Variants in KCNIP1 observed in about 807,000 individuals in gnomAD.
KCNIP1 encodes potassium voltage-gated channel interacting protein 1, also known as A-type potassium channel modulatory protein KCNIP1.
A neutral mutation model predicts 33.0 loss-of-function variants in KCNIP1; 18 were observed. That is an observed-to-expected ratio of 0.55 (90% CI 0.38 to 0.81). KCNIP1 has a LOEUF of 0.81. Among genes scored for constraint, KCNIP1 ranks in the 30% least tolerant of loss-of-function variants. The pLI is 0.00. For missense variants in KCNIP1, 238 were observed against 271.6 expected (o/e 0.88, Z 0.87); for synonymous variants, 93 against 98.3 (o/e 0.95, Z 0.32).
At chr5:170,649,151 A>G (rs1760907908) in intron 1 of KCNIP1, among the ~76,000 whole-genome samples, 1 of 152,224 alleles carries the variant, frequency 6.6e-6, no homozygotes, top group East Asian at 1.9e-4. Context: ...GCCACTATTA[A>G]GTATTGACCC....
At chr5:170,409,642 G>T (rs1193807825) in intron 1 of KCNIP1, among the ~76,000 whole-genome samples, 1 of 152,114 alleles carries the variant, frequency 6.6e-6, no homozygotes, top group African/African-American at 2.4e-5. Flanking sequence ...AGGCCAAGAT[G>T]ACAAGGGGGG....
chr5:170,545,426 G>T (rs1053346995), intron 1 of KCNIP1, among the ~76,000 whole-genome samples: 1 of 151,960 alleles, frequency 6.6e-6, no homozygotes, highest in Admixed American at 6.6e-5. Context: ...ATCAATTTTC[G>T]GAAACTCTTG....
chr5:170,567,626 G>T (rs1177465179), intron 1 of KCNIP1, among the ~76,000 whole-genome samples: 1 of 152,216 alleles, frequency 6.6e-6, no homozygotes, highest in Admixed American at 6.5e-5. Flanking sequence ...GCTAGCGCCA[G>T]GGGGAAGGGC....
chr5:170,367,067 C>G (rs1035477046), intron 1 of KCNIP1, among the ~76,000 whole-genome samples: 9 of 152,022 alleles, frequency 5.9e-5, no homozygotes, highest in African/African-American at 2.2e-4. Context: ...GCCTGTAATC[C>G]CAACACTTTG....
At chr5:170,649,910 G>C (rs1011326866) in intron 1 of KCNIP1, among the ~76,000 whole-genome samples, 1 of 152,170 alleles carries the variant, frequency 6.6e-6, no homozygotes, top group Non-Finnish European at 1.5e-5. Context: ...GAGAGGCTCG[G>C]TTGTTCTTCA....
rs147852013 is a variant in KCNIP1 at position 170,385,874 on chromosome 5, C to G, written c.88+31910C>G. On this transcript the variant is annotated intron_variant, in intron 1 of 7. Transcript: ENST00000377360. Reference sequence around the variant, plus strand: ...GTGGCTCATGCCTGAAATCCCAGCACTTTCGGAGACCGAGGTGGGCGGATC... The same window carrying G: ...GTGGCTCATGCCTGAAATCCCAGCAGTTTCGGAGACCGAGGTGGGCGGATC... Among the ~76,000 whole-genome samples, 10 of 152,106 alleles carry G rather than the reference C, an allele frequency of 6.6e-5. No homozygotes were observed. The East Asian group carries it at 1.7e-3, about 26-fold the overall frequency.
At chr5:170,576,474 A>C (rs1453594038) in intron 1 of KCNIP1, among the ~76,000 whole-genome samples, 1 of 152,232 alleles carries the variant, frequency 6.6e-6, no homozygotes, top group African/African-American at 2.4e-5. Flanking sequence ...CTTAATAGGT[A>C]ACTGGCCAGA....
intron 1 of KCNIP1, among the ~76,000 whole-genome samples, chr5:170,636,396 G>T (rs1313142155): frequency 6.6e-6 from 1 of 152,176 alleles, no homozygotes; most frequent in Non-Finnish European, 1.5e-5. Flanking sequence ...CAGCTCTGAA[G>T]GTCAGTGCTC....
At chr5:170,383,744 C>T (rs374733513) in intron 1 of KCNIP1, 35 of 1,614,080 alleles carry the variant, frequency 2.2e-5, no homozygotes, top group African/African-American at 9.3e-5. Context: ...GCAGCTGACA[C>T]GTTGACCCAC....
chr5:170,386,630 C>CTG (rs1259347503), intron 1 of KCNIP1, among the ~76,000 whole-genome samples: 1 of 151,572 alleles, frequency 6.6e-6, no homozygotes, highest in Non-Finnish European at 1.5e-5. Flanking sequence ...GAGAGGAGGG[C>CTG]CCCAGAAGGC....
At chr5:170,368,182 T>C (rs1763745631) in intron 1 of KCNIP1, among the ~76,000 whole-genome samples, 1 of 152,168 alleles carries the variant, frequency 6.6e-6, no homozygotes. Flanking sequence ...AAAAGTAAAA[T>C]AGAGAAGAAA....
chr5:170,405,145 CCCTGCAAAATTATG>C (rs1435976338), intron 1 of KCNIP1, among the ~76,000 whole-genome samples: 1 of 151,832 alleles, frequency 6.6e-6, no homozygotes, highest in Non-Finnish European at 1.5e-5. Context: ...TGCCAAATTG[CCCTGCAAAATTATG>C]CTGCTTTACC....
At chr5:170,622,301 A>G (rs569462414) in intron 1 of KCNIP1, among the ~76,000 whole-genome samples, 1 of 152,154 alleles carries the variant, frequency 6.6e-6, no homozygotes, top group Admixed American at 6.5e-5. Flanking sequence ...GTCTATCCGA[A>G]ATCCAGTGAC....
At chr5:170,451,226 C>T (rs1364985476) in intron 1 of KCNIP1, among the ~76,000 whole-genome samples, 1 of 152,130 alleles carries the variant, frequency 6.6e-6, no homozygotes, top group African/African-American at 2.4e-5. Flanking sequence ...ACAAAAATGA[C>T]CAGACATCCC....
intron 1 of KCNIP1, among the ~76,000 whole-genome samples, chr5:170,712,611 G>A (rs917444486): frequency 5.9e-5 from 9 of 152,212 alleles, no homozygotes; most frequent in African/African-American, 2.2e-4. Flanking sequence ...CATGGCTGAG[G>A]GCATGTTCAA....
At chr5:170,703,655 C>T (rs1763170598) in intron 1 of KCNIP1, among the ~76,000 whole-genome samples, 1 of 137,296 alleles carries the variant, frequency 7.3e-6, no homozygotes, top group Non-Finnish European at 1.5e-5. Flanking sequence ...AACAACAGTA[C>T]CCTGTGGGCT....
At chr5:170,639,374 A>G (rs1760438655) in intron 1 of KCNIP1, 1 of 152,226 alleles carries the variant, frequency 6.6e-6, no homozygotes, top group East Asian at 1.9e-4. Context: ...GTCTCAAAAA[A>G]TGGGCATATT....
At chr5:170,683,894 A>G (rs9313518) in intron 1 of KCNIP1, among the ~76,000 whole-genome samples, 18,843 of 91,586 alleles carry the variant, frequency 0.21, 1,872 homozygotes, top group East Asian at 0.56. Flanking sequence ...CAGCTAGTGT[A>G]TGTGTGTGTG....
intron 1 of KCNIP1, among the ~76,000 whole-genome samples, chr5:170,367,308 C>T (rs1763687970): frequency 7.3e-6 from 1 of 137,810 alleles, no homozygotes; most frequent in Admixed American, 7.8e-5. Flanking sequence ...GAGCAAAACT[C>T]CGTCTCAAAA....
Sources: allele counts gnomAD v4.1 joint callset (sites outside exome capture counted in the v4.1 genomes callset), GRCh38; gene constraint gnomAD v4.1.1; transcripts MANE v1.5; gene names NCBI Gene and HGNC (gene_info 2026-07-23, HGNC 2026-07-21).